The following FUT9 variants were observed in gnomAD, a reference collection of about 807,000 sequenced individuals.
The protein encoded by FUT9 is 4-galactosyl-N-acetylglucosaminide 3-alpha-L-fucosyltransferase 9.
FUT9 carries 15 observed loss-of-function variants against 29.7 expected under a neutral mutation model. That is an observed-to-expected ratio of 0.51 (90% confidence interval 0.34 to 0.78). The LOEUF (loss-of-function observed/expected upper bound fraction) is 0.78. FUT9 is among the 30% of genes least tolerant of loss of function. The probability of loss-of-function intolerance (pLI) is 0.01; values close to 1 mark genes in which losing one functional copy is unlikely to be tolerated. For synonymous variants in FUT9, 169 were observed against 153.7 expected, an observed-to-expected ratio of 1.10 and a Z score of -0.74; for missense variants, 319 against 425.4, an observed-to-expected ratio of 0.75 and a Z score of 2.20.
chr6:96,096,340 C>A (rs1771495404), intron 1 of FUT9, among the ~76,000 whole-genome samples: 1 of 152,110 alleles, frequency 6.6e-6, no homozygotes, highest in African/African-American at 2.4e-5. Flanking sequence ...GATCCCTCAT[C>A]TCAATAATTG....
chr6:96,178,084 T>A (rs985674564), intron 2 of FUT9, among the ~76,000 whole-genome samples: 21 of 152,046 alleles, frequency 1.4e-4, no homozygotes, highest in East Asian at 3.9e-4. Flanking sequence ...TCAGCTCCCA[T>A]GATGCCAGAC....
At chr6:96,094,490 G>C (rs1449228949) in intron 1 of FUT9, among the ~76,000 whole-genome samples, 1 of 152,092 alleles carries the variant, frequency 6.6e-6, no homozygotes, top group Non-Finnish European at 1.5e-5. Context: ...GTATGCTGAG[G>C]TTGCAACCTA....
chr6:96,188,090 G>A (rs1357576279), intron 2 of FUT9, among the ~76,000 whole-genome samples: 5 of 152,024 alleles, frequency 3.3e-5, no homozygotes, highest in Non-Finnish European at 5.9e-5. Context: ...GTTCCTGGCC[G>A]TTGGCTTCCA....
intron 2 of FUT9, among the ~76,000 whole-genome samples, chr6:96,154,361 T>C (rs10872763): frequency 0.17 from 26,537 of 152,216 alleles, 2,668 homozygotes; most frequent in East Asian, 0.24. Context: ...TTTTAAAAAT[T>C]ATGATTTTTC....
At chr6:96,164,526 A>G (rs1002452739) in intron 2 of FUT9, among the ~76,000 whole-genome samples, 11 of 152,096 alleles carry the variant, frequency 7.2e-5, no homozygotes, top group Admixed American at 2.6e-4. Context: ...CCAAAGTGCT[A>G]GGATTACAGG....
At chr6:96,149,534 C>T (rs1043042896) in intron 2 of FUT9, among the ~76,000 whole-genome samples, 1 of 152,108 alleles carries the variant, frequency 6.6e-6, no homozygotes, top group Non-Finnish European at 1.5e-5. Context: ...ACTCCCATTG[C>T]CTTAGATCAG....
Position 96,160,030 on chromosome 6 carries a change from G to C in FUT9, c.-8-43118G>C, listed in dbSNP as rs114663215. On this transcript the variant is annotated intron_variant, in intron 2 of 2. Transcript: ENST00000302103. ...TTAATTAGGCTGACAGATAAAATCA[G>C]AGGATAGAAGAATTATCAGGACACT... 9.4e-3 allele frequency among the ~76,000 whole-genome samples: 1,428 copies of C among 152,256 alleles called. 23 individuals are homozygous for C. Among genetic ancestry groups the C allele is most frequent in the African/African-American group, 0.033 (1,371 of 41,564 alleles).
chr6:96,179,219 T>G (rs1773262546), intron 2 of FUT9, among the ~76,000 whole-genome samples: 1 of 152,196 alleles, frequency 6.6e-6, no homozygotes, highest in South Asian at 2.1e-4. Context: ...TGAACTTTCA[T>G]GCATTCATTT....
intron 2 of FUT9, among the ~76,000 whole-genome samples, chr6:96,121,177 A>T (rs1582246809): frequency 6.6e-6 from 1 of 152,192 alleles, no homozygotes; most frequent in African/African-American, 2.4e-5. Context: ...GTCAAAATCA[A>T]TGTCTATGGA....
At chr6:96,085,817 C>A (rs1771307621) in intron 1 of FUT9, among the ~76,000 whole-genome samples, 1 of 152,136 alleles carries the variant, frequency 6.6e-6, no homozygotes, top group South Asian at 2.1e-4. Context: ...CTTCTAATTG[C>A]TTTATAGTAG....
intron 2 of FUT9, among the ~76,000 whole-genome samples, chr6:96,194,995 CT>C (rs1773596605): frequency 6.6e-6 from 1 of 151,864 alleles, no homozygotes; most frequent in Admixed American, 6.6e-5. Flanking sequence ...TGATGAAGGA[CT>C]AGTGATTGAG....
chr6:96,025,299 G>A (rs1288036473), intron 1 of FUT9, among the ~76,000 whole-genome samples: 2 of 151,686 alleles, frequency 1.3e-5, no homozygotes, highest in African/African-American at 4.8e-5. Flanking sequence ...TCCATTTAGA[G>A]GAAAATTCTG....
At chr6:96,116,482 A>G (rs1019113264) in intron 2 of FUT9, among the ~76,000 whole-genome samples, 3 of 152,202 alleles carry the variant, frequency 2.0e-5, no homozygotes, top group African/African-American at 7.2e-5. Context: ...ACAATATGGG[A>G]ATATTTACAG....
At chr6:96,153,769 A>G (rs1020943668) in intron 2 of FUT9, among the ~76,000 whole-genome samples, 1 of 152,188 alleles carries the variant, frequency 6.6e-6, no homozygotes, top group African/African-American at 2.4e-5. Context: ...ACAGTTTTCA[A>G]TTATGGATGC....
intron 1 of FUT9, among the ~76,000 whole-genome samples, chr6:96,081,482 T>C (rs973634086): frequency 6.6e-6 from 1 of 151,888 alleles, no homozygotes; most frequent in Non-Finnish European, 1.5e-5. Flanking sequence ...TCATTTGTTT[T>C]TATTGTTCTA....
At chr6:96,081,384 T>G (rs1771234931) in intron 1 of FUT9, among the ~76,000 whole-genome samples, 1 of 151,764 alleles carries the variant, frequency 6.6e-6, no homozygotes, top group Non-Finnish European at 1.5e-5. Flanking sequence ...TTAAATGAAG[T>G]AGTATTGTAT....
chr6:96,115,849 T>C (rs567139139), intron 2 of FUT9, among the ~76,000 whole-genome samples: 22 of 152,306 alleles, frequency 1.4e-4, no homozygotes, highest in Non-Finnish European at 2.2e-4. Context: ...ACTTCTAAGC[T>C]ATATACATGT....
chr6:96,059,165 G>A (rs1055120625), intron 1 of FUT9, among the ~76,000 whole-genome samples: 2 of 152,092 alleles, frequency 1.3e-5, no homozygotes, highest in Admixed American at 1.3e-4. Flanking sequence ...GAACTAAAAC[G>A]GAAAAAGCCC....
At chr6:96,114,900 C>T (rs1187562196) in intron 2 of FUT9, among the ~76,000 whole-genome samples, 1 of 152,122 alleles carries the variant, frequency 6.6e-6, no homozygotes, top group African/African-American at 2.4e-5. Context: ...AGTGTCCCTA[C>T]AATTTAAGGC....
Sources: gnomAD v4.1 joint callset for allele counts (sites outside exome capture counted in the v4.1 genomes callset) on GRCh38, gnomAD v4.1.1 for gene constraint, MANE v1.5 for transcripts, NCBI Gene and HGNC (gene_info 2026-07-23, HGNC 2026-07-21) for gene names.